PABPC4L: variants seen among roughly 807,000 people sequenced by gnomAD.
PABPC4L encodes polyadenylate-binding protein 4-like.
For missense variants in PABPC4L, 452 were observed against 451.4 expected (o/e 1.00, Z -0.01); for synonymous variants, 169 against 164.1 (o/e 1.03, Z -0.23).
the PABPC4L span, among the ~76,000 whole-genome samples, chr4:134,085,133 G>C: frequency 6.6e-6 from 1 of 152,058 alleles, no homozygotes; most frequent in East Asian, 1.9e-4. Context: ...GAAAGGTTGA[G>C]CTTCATGTGG....
the PABPC4L span, among the ~76,000 whole-genome samples, chr4:134,041,947 T>G: frequency 1.0e-3 from 152 of 151,924 alleles, no homozygotes; most frequent in African/African-American, 3.5e-3. Context: ...GGAAAAGAAA[T>G]CAAAAAGACA....
the PABPC4L span, among the ~76,000 whole-genome samples, chr4:134,046,718 T>C: frequency 1.3e-5 from 2 of 152,066 alleles, no homozygotes; most frequent in Non-Finnish European, 2.9e-5. Context: ...CCTGGTTAAT[T>C]GAGAATGGAG....
chr4:134,005,165 C>G, the PABPC4L span, among the ~76,000 whole-genome samples: 1 of 151,760 alleles, frequency 6.6e-6, no homozygotes, highest in Non-Finnish European at 1.5e-5. Flanking sequence ...CTGGATTTGA[C>G]CATTTCACAA....
chr4:134,159,469 CAA>C, the PABPC4L span, among the ~76,000 whole-genome samples: 1 of 152,052 alleles, frequency 6.6e-6, no homozygotes, highest in African/African-American at 2.4e-5. Flanking sequence ...CAGCACAGCA[CAA>C]AGAGAATCTG....
the PABPC4L span, among the ~76,000 whole-genome samples, chr4:134,041,035 T>C: frequency 1.3e-5 from 2 of 152,042 alleles, no homozygotes; most frequent in Non-Finnish European, 2.9e-5. Flanking sequence ...TACCATCTCA[T>C]GTCAGTTAGA....
downstream of PABPC4L, among the ~76,000 whole-genome samples, chr4:134,195,131 T>C (rs981563817): frequency 6.6e-6 from 1 of 151,768 alleles, no homozygotes; most frequent in African/African-American, 2.4e-5. Context: ...TAATGCTTCC[T>C]ATGGTAATTC....
the PABPC4L span, among the ~76,000 whole-genome samples, chr4:134,038,185 G>A: frequency 3.1e-4 from 47 of 152,134 alleles, no homozygotes; most frequent in Admixed American, 3.0e-3. Flanking sequence ...CTTGATCATG[G>A]TGGATAAGCT....
At chr4:134,043,314 A>G in the PABPC4L span, among the ~76,000 whole-genome samples, 7 of 152,162 alleles carry the variant, frequency 4.6e-5, no homozygotes, top group Admixed American at 4.6e-4. Flanking sequence ...TGAGGACTGT[A>G]GTTTTATCTG....
the PABPC4L span, among the ~76,000 whole-genome samples, chr4:133,970,653 G>A: frequency 2.6e-5 from 4 of 152,092 alleles, no homozygotes; most frequent in East Asian, 3.9e-4. Context: ...GGATATATGT[G>A]TCCCCTCAAA....
the PABPC4L span, among the ~76,000 whole-genome samples, chr4:134,010,413 G>A: frequency 1.3e-5 from 2 of 151,994 alleles, no homozygotes; most frequent in African/African-American, 2.4e-5. Flanking sequence ...ACATTCTGAC[G>A]TAACCATAAA....
the PABPC4L span, among the ~76,000 whole-genome samples, chr4:134,099,776 GA>G: frequency 1.3e-5 from 2 of 151,382 alleles, no homozygotes; most frequent in African/African-American, 4.8e-5. Flanking sequence ...TCAGGGAGGG[GA>G]AAAAAAGATA....
the PABPC4L span, among the ~76,000 whole-genome samples, chr4:134,175,488 G>T: frequency 6.0e-5 from 9 of 150,886 alleles, no homozygotes; most frequent in African/African-American, 2.2e-4. Flanking sequence ...TCGCTCTGTC[G>T]CCCAGGCTGA....
the PABPC4L span, among the ~76,000 whole-genome samples, chr4:134,186,383 C>G: frequency 2.6e-5 from 4 of 152,020 alleles, no homozygotes; most frequent in East Asian, 7.7e-4. Flanking sequence ...GGAAATAATA[C>G]CACACACATC....
At chr4:134,080,192 CAT>C in the PABPC4L span, among the ~76,000 whole-genome samples, 25 of 152,210 alleles carry the variant, frequency 1.6e-4, no homozygotes, top group Middle Eastern at 3.4e-3. Flanking sequence ...TGAAATGTCA[CAT>C]GAGTGAATTA....
the PABPC4L span, among the ~76,000 whole-genome samples, chr4:134,172,531 A>G: frequency 1.3e-5 from 2 of 152,144 alleles, no homozygotes; most frequent in South Asian, 4.1e-4. Flanking sequence ...AAAAGGCTTA[A>G]ATGTAAAACC....
the PABPC4L span, among the ~76,000 whole-genome samples, chr4:134,088,295 A>G: frequency 1.2e-3 from 187 of 152,138 alleles, no homozygotes; most frequent in African/African-American, 4.3e-3. Context: ...TTTTTCCTCA[A>G]ACTCCAGGTA....
the PABPC4L span, among the ~76,000 whole-genome samples, chr4:134,181,661 A>G: frequency 6.6e-6 from 1 of 152,108 alleles, no homozygotes; most frequent in African/African-American, 2.4e-5. Context: ...ATGATAAACT[A>G]CTTCAGCAAA....
chr4:134,140,381 C>G, the PABPC4L span, among the ~76,000 whole-genome samples: 30 of 151,700 alleles, frequency 2.0e-4, no homozygotes, highest in African/African-American at 7.2e-4. Context: ...ACTTGGGAGA[C>G]TGAAGTCCAA....
At chr4:133,961,772 T>C in the PABPC4L span, among the ~76,000 whole-genome samples, 6 of 152,294 alleles carry the variant, frequency 3.9e-5, no homozygotes, top group Admixed American at 1.3e-4. Flanking sequence ...CCCCTCCAGA[T>C]ACGGCAGGGT....
Sources: gnomAD v4.1 joint callset for allele counts (sites outside exome capture counted in the v4.1 genomes callset) on GRCh38, gnomAD v4.1.1 for gene constraint, MANE v1.5 for transcripts, NCBI Gene and HGNC (gene_info 2026-07-23, HGNC 2026-07-21) for gene names.